ALK: variants seen among roughly 807,000 people sequenced by gnomAD.
The protein encoded by ALK is ALK receptor tyrosine kinase.
In ALK, 74 loss-of-function variants were observed where a neutral mutation model predicts 163.1. That is an observed-to-expected ratio of 0.45 (90% CI 0.38 to 0.55). The LOEUF (loss-of-function observed/expected upper bound fraction) is 0.55, where lower values mean the gene tolerates loss of function less well. ALK is among the 20% of genes least tolerant of loss of function. The pLI is 0.00. For synonymous variants in ALK, 960 were observed against 843.2 expected, an observed-to-expected ratio of 1.14 and a Z score of -2.40; for missense variants, 2,063 against 2,105.3, an observed-to-expected ratio of 0.98 and a Z score of 0.39.
At chr2:29,789,759 G>C (rs1204189650) in intron 1 of ALK, among the ~76,000 whole-genome samples, 1 of 152,184 alleles carries the variant, frequency 6.6e-6, no homozygotes, top group Non-Finnish European at 1.5e-5. Context: ...TAAAATCATT[G>C]ATGTGGGGAG....
At position 29,232,293 on chromosome 2, in the gene ALK, C is replaced by T. The variant is rs966288170; in HGVS notation, c.2632+11G>A. On this transcript the variant is annotated intron_variant, in intron 15 of 28. Coordinates refer to ENST00000389048, the MANE Select transcript of ALK (RefSeq NM_004304.5). The stretch of plus-strand genomic sequence containing the variant: ...GAGGTTCTGGGAGAGGGCACGCTTG[C>T]AGCGCTTTACCTGCGGCTCCGGAAT... 1.2e-6 allele frequency: 2 copies of T among 1,613,600 alleles called. No homozygotes were observed. The highest frequency in any genetic ancestry group is 1.7e-6 in the Non-Finnish European group (2 of 1,180,036).
intron 1 of ALK, among the ~76,000 whole-genome samples, chr2:29,820,750 T>C (rs1665025068): frequency 6.6e-6 from 1 of 152,226 alleles, no homozygotes; most frequent in Non-Finnish European, 1.5e-5. Context: ...TTTTGTGACC[T>C]GAGTCCCTTA....
chr2:29,579,732 G>A (rs527930460), intron 3 of ALK, among the ~76,000 whole-genome samples: 77 of 152,218 alleles, frequency 5.1e-4, no homozygotes, highest in African/African-American at 1.7e-3. Context: ...TTCAGATGCC[G>A]GATATGTAGA....
intron 1 of ALK, among the ~76,000 whole-genome samples, chr2:29,768,709 A>ATG (rs1167040416): frequency 4.4e-4 from 6 of 13,642 alleles, no homozygotes; most frequent in Admixed American, 2.1e-3. Context: ...TAAATTATAT[A>ATG]TGTCTGTGTG....
chr2:29,789,050 T>A (rs1222196040), intron 1 of ALK, among the ~76,000 whole-genome samples: 2 of 151,602 alleles, frequency 1.3e-5, no homozygotes, highest in African/African-American at 4.9e-5. Context: ...TGTGTGTGTG[T>A]GTGTGTCTGT....
intron 1 of ALK, among the ~76,000 whole-genome samples, chr2:29,860,931 G>A (rs897106072): frequency 6.6e-6 from 1 of 152,180 alleles, no homozygotes; most frequent in Admixed American, 6.5e-5. Context: ...AGTAATTTGG[G>A]AGGCCAAGGC....
intron 1 of ALK, among the ~76,000 whole-genome samples, chr2:29,883,082 G>A (rs1391354334): frequency 6.6e-6 from 1 of 151,678 alleles, no homozygotes; most frequent in East Asian, 1.9e-4. Flanking sequence ...ACAGAGAGAG[G>A]AAGGGAGAGA....
intron 1 of ALK, among the ~76,000 whole-genome samples, chr2:29,887,846 T>C (rs1455355694): frequency 6.6e-6 from 1 of 152,212 alleles, no homozygotes; most frequent in Non-Finnish European, 1.5e-5. Context: ...GCCAATCTTT[T>C]CTTGTGCTTA....
chr2:29,522,700 G>T (rs1211516898), intron 4 of ALK, among the ~76,000 whole-genome samples: 1 of 152,150 alleles, frequency 6.6e-6, no homozygotes, highest in East Asian at 1.9e-4. Context: ...GTTAAGGGCA[G>T]TCCACAAAGA....
At chr2:29,703,550 T>A (rs1320226117) in intron 2 of ALK, among the ~76,000 whole-genome samples, 2 of 152,216 alleles carry the variant, frequency 1.3e-5, no homozygotes, top group Non-Finnish European at 2.9e-5. Flanking sequence ...TGATGAGGCA[T>A]GTGCTTAGAA....
intron 5 of ALK, among the ~76,000 whole-genome samples, chr2:29,363,390 C>A (rs1668427351): frequency 6.6e-6 from 1 of 152,188 alleles, no homozygotes; most frequent in Non-Finnish European, 1.5e-5. Flanking sequence ...TGGAGTGGCG[C>A]CTTTCTGAGC....
intron 3 of ALK, among the ~76,000 whole-genome samples, chr2:29,641,205 G>C (rs1158387951): frequency 1.3e-5 from 2 of 152,118 alleles, no homozygotes; most frequent in Non-Finnish European, 2.9e-5. Context: ...TTTAATGCCA[G>C]TTCACAGTTC....
intron 1 of ALK, among the ~76,000 whole-genome samples, chr2:29,840,282 C>G (rs976887646): frequency 6.6e-5 from 10 of 152,084 alleles, no homozygotes; most frequent in Non-Finnish European, 1.3e-4. Context: ...TGGTATCTGG[C>G]AAATAGGTAC....
rs1677320427 is a variant in ALK, at chr2:29,660,683, G to GT, written c.952+34166_952+34167insA. On this transcript the variant is annotated intron_variant, in intron 3 of 28. Coordinates refer to ENST00000389048, the MANE Select transcript of ALK (RefSeq NM_004304.5). Reference sequence around the variant, plus strand: ...ACGGCCCAGGGAGAGGGGAGAAAGGGGGAAAAAGGGGTGGTCAGAAGAGTG... The same window carrying GT: ...ACGGCCCAGGGAGAGGGGAGAAAGGGTGGAAAAAGGGGTGGTCAGAAGAGTG... 5.4e-5 allele frequency among the ~76,000 whole-genome samples: 5 copies of GT among 92,126 alleles called. No individual in the cohort carries two copies. The South Asian group carries it at 1.9e-3, about 35-fold the overall frequency. The allele number at this position is 92,126 out of a possible 152,430, so 60.4% of individuals were successfully genotyped here.
At chr2:29,345,734 A>C (rs1441103021) in intron 5 of ALK, among the ~76,000 whole-genome samples, 1 of 152,182 alleles carries the variant, frequency 6.6e-6, no homozygotes, top group Non-Finnish European at 1.5e-5. Context: ...ACAGACAGGG[A>C]AACAGTAATA....
At chr2:29,568,597 C>A (rs1470286042) in intron 3 of ALK, among the ~76,000 whole-genome samples, 1 of 152,152 alleles carries the variant, frequency 6.6e-6, no homozygotes, top group Non-Finnish European at 1.5e-5. Context: ...AGGGGAAAAA[C>A]CTGGGTACCA....
chr2:29,377,130 TC>T (rs928910777), intron 5 of ALK, among the ~76,000 whole-genome samples: 1 of 152,214 alleles, frequency 6.6e-6, no homozygotes, highest in African/African-American at 2.4e-5. Flanking sequence ...TTTTTGGTTT[TC>T]ATATTTTAAA....
chr2:29,776,995 C>T (rs573438217), intron 1 of ALK, among the ~76,000 whole-genome samples: 36 of 152,074 alleles, frequency 2.4e-4, no homozygotes, highest in Non-Finnish European at 4.6e-4. Flanking sequence ...AATCTACCAT[C>T]AACTAGCTCT....
At chr2:29,771,206 C>G (rs1558480967) in intron 1 of ALK, among the ~76,000 whole-genome samples, 2 of 152,074 alleles carry the variant, frequency 1.3e-5, no homozygotes, top group Non-Finnish European at 1.5e-5. Flanking sequence ...TACACACACA[C>G]ACAAAGGAGG....
Sources: allele counts gnomAD v4.1 joint callset (sites outside exome capture counted in the v4.1 genomes callset), GRCh38; gene constraint gnomAD v4.1.1; transcripts MANE v1.5; gene names NCBI Gene and HGNC (gene_info 2026-07-23, HGNC 2026-07-21).